Variants in BDKRB2 observed in about 807,000 individuals in gnomAD.
The protein encoded by BDKRB2 is B2 bradykinin receptor.
BDKRB2 carries 6 observed loss-of-function variants against 4.0 expected under a neutral mutation model. The observed-to-expected ratio is 1.49, with a 90% CI of 0.81 to 2.93. The LOEUF (loss-of-function observed/expected upper bound fraction) is 2.93, where lower values mean the gene tolerates loss of function less well. Ranked by LOEUF, BDKRB2 falls within the 30% of genes most tolerant of loss-of-function variation. The pLI, the probability that BDKRB2 is intolerant of heterozygous loss-of-function variation, is 0.00. For synonymous variants in BDKRB2, 225 were observed against 215.3 expected, an observed-to-expected ratio of 1.05 and a Z score of -0.40; for missense variants, 478 against 520.1, an observed-to-expected ratio of 0.92 and a Z score of 0.79.
Position 96,240,253 on chromosome 14 carries a change from G to T in BDKRB2, c.75-150G>T, listed in dbSNP as rs963274017. ...AAGACCCAGGGGAGTCAGGTGCACTGGAGCGCGGGCTGCAGAAAACAGCCT... is the reference window on the plus strand; with the variant it reads ...AAGACCCAGGGGAGTCAGGTGCACTTGAGCGCGGGCTGCAGAAAACAGCCT... On this transcript the variant is annotated intron_variant, in intron 2 of 2. Coordinates refer to ENST00000554311, the MANE Select transcript of BDKRB2 (RefSeq NM_001379692.1). 6 of 1,329,850 alleles carry T rather than the reference G, an allele frequency of 4.5e-6. No individual in the cohort carries two copies. In the African/African-American group the frequency reaches 8.9e-5, roughly 20 times the overall value. The allele number at this position is 1,329,850 out of a possible 1,614,324, so 82.4% of individuals were successfully genotyped here.
intron 1 of BDKRB2, among the ~76,000 whole-genome samples, chr14:96,221,726 G>T (rs1890566304): frequency 6.6e-6 from 1 of 151,958 alleles, no homozygotes; most frequent in Non-Finnish European, 1.5e-5. Context: ...GAAGAGGCTG[G>T]GTAAGGACAA....
intron 1 of BDKRB2, among the ~76,000 whole-genome samples, chr14:96,230,026 C>G (rs530083177): frequency 6.6e-6 from 1 of 150,994 alleles, no homozygotes; most frequent in Admixed American, 6.6e-5. Flanking sequence ...ACCAACTACT[C>G]GGGAGGCTGA....
intron 2 of BDKRB2, chr14:96,238,508 C>T (rs1400725723): frequency 5.1e-6 from 5 of 985,484 alleles, no homozygotes; most frequent in Non-Finnish European, 6.0e-6. Flanking sequence ...CTTCTTATAC[C>T]ATCACTGTAG....
intron 2 of BDKRB2, chr14:96,239,999 C>T (rs1210838672): frequency 1.0e-6 from 1 of 999,960 alleles, no homozygotes; most frequent in Admixed American, 6.0e-5. Flanking sequence ...AACTCACCCA[C>T]CACACGGCTT....
intron 1 of BDKRB2, among the ~76,000 whole-genome samples, chr14:96,235,392 G>A (rs769954328): frequency 6.8e-6 from 1 of 146,732 alleles, no homozygotes; most frequent in Non-Finnish European, 1.5e-5. Flanking sequence ...TCAAACACAT[G>A]ATCTCTCACC....
At chr14:96,222,213 C>T (rs897534103) in intron 1 of BDKRB2, among the ~76,000 whole-genome samples, 8 of 152,128 alleles carry the variant, frequency 5.3e-5, no homozygotes, top group East Asian at 1.9e-4. Context: ...CAGACCCACA[C>T]GTGGGGCAGG....
At chr14:96,239,693 C>A in intron 2 of BDKRB2, 2 of 929,666 alleles carry the variant, frequency 2.2e-6, no homozygotes, top group Non-Finnish European at 2.6e-6. Flanking sequence ...TCCCATTTTA[C>A]AGGTGAGGTC....
chr14:96,243,112 A>G lies in BDKRB2; in HGVS notation c.*1608A>G, dbSNP rs1376360077. On this transcript the variant is annotated 3_prime_UTR_variant, in exon 3 of 3. Transcript: ENST00000554311. ...CTGAGCTAGAAGCTGGAGGACTAGAACCTGGAGGGCTGGAATCTGGAGAGC... is the reference window on the plus strand; with the variant it reads ...CTGAGCTAGAAGCTGGAGGACTAGAGCCTGGAGGGCTGGAATCTGGAGAGC... The G allele has an allele frequency of 6.4e-6, 1 of 155,422 alleles. No individual in the cohort carries two copies. Among genetic ancestry groups the G allele is most frequent in the East Asian group, 1.9e-4 (1 of 5,272 alleles). 9.6% of individuals were successfully genotyped at this position (155,422 alleles called of 1,614,324 possible).
Position 96,208,063 on chromosome 14 carries a change from A to G in BDKRB2, c.-40+3104A>G, listed in dbSNP as rs8010387. ...AAAAGCTCTTCCTCCAACTGCCCCC[A>G]CTGAGCAATGGGTCCACTTTCATTT... On this transcript the variant is annotated intron_variant, in intron 1 of 2. Coordinates refer to ENST00000554311, the MANE Select transcript of BDKRB2 (RefSeq NM_001379692.1). Among the ~76,000 whole-genome samples, 1,279 of 152,230 alleles carry G rather than the reference A, an allele frequency of 8.4e-3. 20 individuals are homozygous for G. The highest frequency in any genetic ancestry group is 0.029 in the African/African-American group (1,211 of 41,548).
chr14:96,239,085 C>T (rs1885193879), intron 2 of BDKRB2: 2 of 985,340 alleles, frequency 2.0e-6, no homozygotes, highest in South Asian at 4.7e-5. Context: ...TCCCGTGACT[C>T]GTAGTTCAGC....
chr14:96,239,940 C>A, intron 2 of BDKRB2: 1 of 986,528 alleles, frequency 1.0e-6, no homozygotes. Flanking sequence ...CCAAGCCAGA[C>A]TGGAATCTCC....
Position 96,230,675 on chromosome 14 carries a change from C to A in BDKRB2, c.-39-6394C>A, listed in dbSNP as rs184324123. 8.4e-3 allele frequency among the ~76,000 whole-genome samples: 1,255 copies of A among 150,064 alleles called. 8 individuals carry two copies. Among genetic ancestry groups the A allele is most frequent in the Non-Finnish European group, 0.014 (944 of 67,704 alleles). ...CTCCGTCACCTAGGTTGGAGTGCAA[C>A]GGTGGGATCTCAGCTCACTGCAACC... On this transcript the variant is annotated intron_variant, in intron 1 of 2. Coordinates refer to ENST00000554311, the MANE Select transcript of BDKRB2 (RefSeq NM_001379692.1).
chr14:96,240,329 T>C, intron 2 of BDKRB2, 74 bp from the exon 3 acceptor site: 1 of 1,390,910 alleles, frequency 7.2e-7, no homozygotes. Context: ...TTAACCCCTG[T>C]CTCCTTCTGG....
intron 1 of BDKRB2, among the ~76,000 whole-genome samples, chr14:96,227,921 A>G (rs1890736787): frequency 6.6e-6 from 1 of 152,190 alleles, no homozygotes; most frequent in African/African-American, 2.4e-5. Context: ...TTGCTGACCT[A>G]TGCTGCTGAC....
At chr14:96,225,954 C>A (rs183392569) in intron 1 of BDKRB2, among the ~76,000 whole-genome samples, 7 of 152,200 alleles carry the variant, frequency 4.6e-5, no homozygotes, top group Non-Finnish European at 5.9e-5. Flanking sequence ...CACCGGAGAC[C>A]ACCAGGGGGC....
chr14:96,220,622 C>A (rs1289970651), intron 1 of BDKRB2, among the ~76,000 whole-genome samples: 2 of 150,502 alleles, frequency 1.3e-5, no homozygotes, highest in African/African-American at 4.9e-5. Context: ...CCTCCCTCCC[C>A]ACCCCCTTTA....
chr14:96,214,340 GA>G (rs1890371202), intron 1 of BDKRB2, among the ~76,000 whole-genome samples: 1 of 152,184 alleles, frequency 6.6e-6, no homozygotes, highest in African/African-American at 2.4e-5. Flanking sequence ...GGATTTGGGG[GA>G]AAGAGGAGGC....
At chr14:96,225,929 G>A (rs1890685141) in intron 1 of BDKRB2, among the ~76,000 whole-genome samples, 1 of 152,150 alleles carries the variant, frequency 6.6e-6, no homozygotes, top group Non-Finnish European at 1.5e-5. Context: ...AGCAGGGCCT[G>A]TGCCATCCCC....
In BDKRB2 at chr14:96,242,110, C is replaced by T. The variant is rs978846898; in HGVS notation, c.*606C>T. ...GAATCCAATAAGCACATATTGAGCA[C>T]TTGCTGTATATGCAGTATTGAGCAC... On this transcript the variant is annotated 3_prime_UTR_variant, in exon 3 of 3. Transcript: ENST00000554311. 1 of 152,436 alleles carries T rather than the reference C, an allele frequency of 6.6e-6. No homozygotes were observed. The highest frequency in any genetic ancestry group is 2.4e-5 in the African/African-American group (1 of 41,428). The allele number at this position is 152,436 out of a possible 1,614,324, so 9.4% of individuals were successfully genotyped here. A position where few individuals can be genotyped will look rare whatever the true frequency, so the allele number is the denominator to read the frequency against.
Sources: gnomAD v4.1 joint callset for allele counts (sites outside exome capture counted in the v4.1 genomes callset) on GRCh38, gnomAD v4.1.1 for gene constraint, MANE v1.5 for transcripts, NCBI Gene and HGNC (gene_info 2026-07-23, HGNC 2026-07-21) for gene names.